CALN1: variants seen among roughly 807,000 people sequenced by gnomAD.
CALN1 encodes the protein calcium-binding protein 8.
Under a neutral mutation model 30.6 loss-of-function variants are expected in CALN1, and 17 were observed. That is an observed-to-expected ratio of 0.56 (90% CI 0.38 to 0.83). The LOEUF is 0.83. Ranked by LOEUF, CALN1 falls within the 40% of genes least tolerant of loss-of-function variation. The pLI, the probability that CALN1 is intolerant of heterozygous loss-of-function variation, is 0.00. For missense variants in CALN1, 291 were observed against 354.9 expected (o/e 0.82, Z 1.45); for synonymous variants, 156 against 131.4 (o/e 1.19, Z -1.28).
At chr7:72,499,768 T>TTTC in the CALN1 span, among the ~76,000 whole-genome samples, 2 of 130,464 alleles carry the variant, frequency 1.5e-5, no homozygotes, top group South Asian at 2.8e-4. Flanking sequence ...CGCAAAACTT[T>TTTC]CTTTCTTTCC....
At chr7:71,969,062 A>G (rs1166409968) in intron 5 of CALN1, among the ~76,000 whole-genome samples, 1 of 151,890 alleles carries the variant, frequency 6.6e-6, no homozygotes, top group Non-Finnish European at 1.5e-5. Context: ...AGAAAAAAAA[A>G]ATCATAGAAC....
intron 5 of CALN1, among the ~76,000 whole-genome samples, chr7:71,856,193 G>GTAAATATACATATATATTTA (rs746558686): frequency 6.6e-6 from 1 of 151,398 alleles, no homozygotes; most frequent in South Asian, 2.1e-4. Flanking sequence ...TGATACATAT[G>GTAAATATACATATATATTTA]TAAATATACA....
intron 2 of CALN1, among the ~76,000 whole-genome samples, chr7:72,402,708 G>C (rs759395459): frequency 2.6e-5 from 4 of 152,114 alleles, no homozygotes; most frequent in Admixed American, 2.6e-4. Context: ...CGAACTGACC[G>C]CATCAATGAC....
At chr7:71,883,518 T>C (rs1792710531) in intron 5 of CALN1, among the ~76,000 whole-genome samples, 1 of 152,092 alleles carries the variant, frequency 6.6e-6, no homozygotes, top group African/African-American at 2.4e-5. Context: ...GAAGTAATAA[T>C]GAGCAGGAAT....
In CALN1 at chr7:72,369,827, C is replaced by G. The variant is rs562527621; in HGVS notation, c.119+33424G>C. 3.3e-5 allele frequency among the ~76,000 whole-genome samples: 5 copies of G among 152,258 alleles called. No homozygotes were observed. The South Asian group carries it at 1.0e-3, about 32-fold the overall frequency. On this transcript the variant is annotated intron_variant, in intron 2 of 6. Transcript: ENST00000395275. Reference sequence around the variant, plus strand: ...TAGGAATGGTTTTCTGAGTCGTATTCCATTGTATGAATACACCACAATTTG... The same window carrying G: ...TAGGAATGGTTTTCTGAGTCGTATTGCATTGTATGAATACACCACAATTTG...
At chr7:72,409,847 T>TAC in intron 1 of CALN1, among the ~76,000 whole-genome samples, 1 of 152,254 alleles carries the variant, frequency 6.6e-6, no homozygotes, top group South Asian at 2.1e-4. Context: ...GGCATCAAGT[T>TAC]ACAGTCTTTT....
At chr7:72,083,458 C>T (rs1805284553) in intron 4 of CALN1, among the ~76,000 whole-genome samples, 1 of 152,086 alleles carries the variant, frequency 6.6e-6, no homozygotes, top group Non-Finnish European at 1.5e-5. Flanking sequence ...GTGGCATGTG[C>T]CTGTAATCCT....
chr7:72,263,837 G>T (rs7792669), intron 3 of CALN1, among the ~76,000 whole-genome samples: 52,873 of 152,096 alleles, frequency 0.35, 10,332 homozygotes, highest in Middle Eastern at 0.53. Context: ...CCAGGGATAA[G>T]CATGATATAT....
chr7:72,059,049 A>G (rs538553669), intron 4 of CALN1, among the ~76,000 whole-genome samples: 1 of 152,236 alleles, frequency 6.6e-6, no homozygotes, highest in Non-Finnish European at 1.5e-5. Flanking sequence ...TTTTTAAACT[A>G]AAACTTTAGA....
At chr7:72,408,998 G>GCC (rs1476220920) in intron 1 of CALN1, among the ~76,000 whole-genome samples, 2 of 150,268 alleles carry the variant, frequency 1.3e-5, no homozygotes, top group African/African-American at 5.0e-5. Flanking sequence ...TTTTTTTGGG[G>GCC]CAGGGGGGCA....
chr7:71,890,358 C>T (rs868602505), intron 5 of CALN1, among the ~76,000 whole-genome samples: 3 of 152,182 alleles, frequency 2.0e-5, no homozygotes, highest in Admixed American at 6.5e-5. Context: ...GGAGCCATTA[C>T]TTGTTTATAA....
intron 2 of CALN1, among the ~76,000 whole-genome samples, chr7:72,396,253 A>C (rs374691299): frequency 9.4e-6 from 1 of 106,236 alleles, no homozygotes; most frequent in Non-Finnish European, 1.7e-5. Context: ...AAAAAAAAAA[A>C]AAAAGAAAGA....
chr7:71,904,929 C>T (rs1794049130), intron 5 of CALN1, among the ~76,000 whole-genome samples: 1 of 146,692 alleles, frequency 6.8e-6, no homozygotes, highest in Non-Finnish European at 1.5e-5. Flanking sequence ...TGTTTTTGTT[C>T]TTAATTTCTT....
intron 1 of CALN1, among the ~76,000 whole-genome samples, chr7:72,420,861 G>A (rs531917236): frequency 9.9e-5 from 15 of 152,080 alleles, no homozygotes; most frequent in Admixed American, 9.2e-4. Flanking sequence ...TGATCCACCC[G>A]CCTCAGCCTC....
rs143453887 is a variant in CALN1, at chr7:71,790,329, GGAAAGAAA to G, written c.659-2435_659-2428del. Among the ~76,000 whole-genome samples, 324 of 98,672 alleles carry G rather than the reference GGAAAGAAA, an allele frequency of 3.3e-3. 3 individuals carry two copies. The highest frequency in any genetic ancestry group is 0.012 in the African/African-American group (309 of 26,752). 64.7% of individuals were successfully genotyped at this position (98,672 alleles called of 152,430 possible). A position where few individuals can be genotyped will look rare whatever the true frequency, so the allele number is the denominator to read the frequency against. On this transcript the variant is annotated intron_variant, in intron 6 of 6. Coordinates refer to ENST00000395275, the MANE Select transcript of CALN1 (RefSeq NM_031468.4). ...AAAGAAAGAAGAAAGAAAGAAAGAA[GGAAAGAAA>G]GAAAGAAAGAAAAGAAAGAAAGAAA...
intron 2 of CALN1, among the ~76,000 whole-genome samples, chr7:72,331,880 AGT>A (rs34977676): frequency 0.36 from 53,959 of 151,680 alleles, 10,444 homozygotes; most frequent in Middle Eastern, 0.52. Flanking sequence ...AACAGGCCCC[AGT>A]GTGTTTGTGC....
chr7:72,321,155 A>T (rs978393334), intron 2 of CALN1, among the ~76,000 whole-genome samples: 2 of 149,032 alleles, frequency 1.3e-5, no homozygotes, highest in African/African-American at 4.9e-5. Context: ...ATCTTCTAGG[A>T]CATAATGCAC....
chr7:72,491,414 A>T, the CALN1 span, among the ~76,000 whole-genome samples: 2 of 152,100 alleles, frequency 1.3e-5, no homozygotes, highest in Admixed American at 6.5e-5. Flanking sequence ...GCAAAAAGTT[A>T]AAAAATTAGC....
intron 5 of CALN1, among the ~76,000 whole-genome samples, chr7:71,958,865 C>A (rs1247239651): frequency 6.6e-6 from 1 of 152,208 alleles, no homozygotes; most frequent in East Asian, 1.9e-4. Flanking sequence ...AGTCTCCCAC[C>A]CAGCCTCACA....
Sources: gnomAD v4.1 joint callset for allele counts (sites outside exome capture counted in the v4.1 genomes callset) on GRCh38, gnomAD v4.1.1 for gene constraint, MANE v1.5 for transcripts, NCBI Gene and HGNC (gene_info 2026-07-23, HGNC 2026-07-21) for gene names.